NCAM1: variants seen among roughly 807,000 people sequenced by gnomAD.
NCAM1 encodes antigen recognized by monoclonal antibody 5.1H11.
NCAM1 carries 14 observed loss-of-function variants against 109.8 expected under a neutral mutation model. The ratio of observed to expected loss-of-function variants is 0.13; its 90% CI spans 0.08 to 0.20. NCAM1 has a LOEUF of 0.20. Ranked by LOEUF, NCAM1 falls within the 10% of genes least tolerant of loss-of-function variation. The probability of loss-of-function intolerance (pLI) is 1.00; values close to 1 mark genes in which losing one functional copy is unlikely to be tolerated. For missense variants in NCAM1, 774 were observed against 1,109.9 expected, an observed-to-expected ratio of 0.70 and a Z score of 4.30; for synonymous variants, 418 against 442.9, an observed-to-expected ratio of 0.94 and a Z score of 0.70.
intron 1 of NCAM1, among the ~76,000 whole-genome samples, chr11:113,060,305 G>T (rs575887888): frequency 6.6e-6 from 1 of 152,138 alleles, no homozygotes; most frequent in Non-Finnish European, 1.5e-5. Flanking sequence ...TTTTGGCAGT[G>T]ATTTTTTGCC....
intron 8 of NCAM1, among the ~76,000 whole-genome samples, chr11:113,218,147 A>G (rs1248735428): frequency 6.6e-6 from 1 of 152,238 alleles, no homozygotes; most frequent in Non-Finnish European, 1.5e-5. Context: ...AGCCTTCCCA[A>G]TGCAGTCGTC....
Position 113,147,849 on chromosome 11 carries a change from C to T in NCAM1, c.53-54530C>T, listed in dbSNP as rs75328643. Among the ~76,000 whole-genome samples, 911 of 152,266 alleles carry T rather than the reference C, an allele frequency of 6.0e-3. 8 individuals are homozygous for T. Among genetic ancestry groups the T allele is most frequent in the African/African-American group, 0.02 (848 of 41,546 alleles). On this transcript the variant is annotated intron_variant, in intron 1 of 19. Transcript: ENST00000316851. ...CAGACAAGTCTTATCATCCACATTA[C>T]GCCATGAAAAATGCACGGTTCAGAG... is the stretch of plus-strand genomic sequence containing the variant.
intron 14 of NCAM1, chr11:113,243,539 T>C (rs782626704): frequency 1.2e-5 from 6 of 518,288 alleles, no homozygotes; most frequent in Non-Finnish European, 2.3e-5. Context: ...TGTATCCTCT[T>C]TTTTCATCGT....
chr11:113,057,741 T>C (rs771545542), intron 1 of NCAM1, among the ~76,000 whole-genome samples: 13 of 152,042 alleles, frequency 8.6e-5, no homozygotes, highest in Non-Finnish European at 1.8e-4. Context: ...ATCTTACAAA[T>C]TAAATAGAAA....
intron 1 of NCAM1, among the ~76,000 whole-genome samples, chr11:113,122,081 C>G (rs1940986133): frequency 6.6e-6 from 1 of 152,152 alleles, no homozygotes; most frequent in Non-Finnish European, 1.5e-5. Context: ...TTCCAAGTGC[C>G]CTTACACATC....
At chr11:113,071,304 T>G (rs1938249299) in intron 1 of NCAM1, among the ~76,000 whole-genome samples, 1 of 152,150 alleles carries the variant, frequency 6.6e-6, no homozygotes, top group Non-Finnish European at 1.5e-5. Flanking sequence ...ACATAGCAAA[T>G]TATTGCTTAA....
chr11:113,135,689 G>C (rs532372859), intron 1 of NCAM1, among the ~76,000 whole-genome samples: 1 of 152,150 alleles, frequency 6.6e-6, no homozygotes, highest in Non-Finnish European at 1.5e-5. Context: ...AGGACGTGCT[G>C]GACTATGCAA....
chr11:113,053,349 A>C (rs1042966944), intron 1 of NCAM1, among the ~76,000 whole-genome samples: 3 of 152,128 alleles, frequency 2.0e-5, no homozygotes, highest in South Asian at 2.1e-4. Flanking sequence ...TGCTATTGTG[A>C]ATAGTGCTGC....
rs561221237 is a variant in NCAM1 at position 113,207,189 on chromosome 11, G to T, written c.629-72G>T. ...GGCTGAGAACTCCTGACCTGGAGTG[G>T]TGTCTCTTCTCCAGGCCATTGGGTT... On this transcript the variant is annotated intron_variant, in intron 5 of 19. Coordinates refer to ENST00000316851, the MANE Select transcript of NCAM1 (RefSeq NM_181351.5). 135 of 1,194,140 alleles carry T rather than the reference G, an allele frequency of 1.1e-4. 1 individual carries two copies. The highest frequency in any genetic ancestry group is 1.9e-4 in the Middle Eastern group (1 of 5,222). The allele number at this position is 1,194,140 out of a possible 1,614,324, so 74.0% of individuals were successfully genotyped here.
At chr11:113,204,657 C>T (rs1944181624) in intron 3 of NCAM1, among the ~76,000 whole-genome samples, 153 bp downstream of exon 3, 1 of 152,154 alleles carries the variant, frequency 6.6e-6, no homozygotes, top group African/African-American at 2.4e-5. Flanking sequence ...CTTGGCCAAC[C>T]CAGAACTCAC....
At chr11:113,032,928 G>A (rs1474741458) in intron 1 of NCAM1, among the ~76,000 whole-genome samples, 1 of 152,196 alleles carries the variant, frequency 6.6e-6, no homozygotes, top group Non-Finnish European at 1.5e-5. Flanking sequence ...ATGCAGAGAT[G>A]TATTTTTCCC....
chr11:113,146,440 T>C (rs564894724), intron 1 of NCAM1, among the ~76,000 whole-genome samples: 26 of 152,322 alleles, frequency 1.7e-4, no homozygotes, highest in Non-Finnish European at 2.5e-4. Context: ...ACCTAGACAC[T>C]CTTCCAAATT....
At chr11:113,256,498 C>T (rs549910087) in intron 16 of NCAM1, among the ~76,000 whole-genome samples, 123 of 152,252 alleles carry the variant, frequency 8.1e-4, no homozygotes, top group Admixed American at 4.4e-3. Flanking sequence ...ACTGCTGGAT[C>T]TCACGCAGCT....
intron 1 of NCAM1, among the ~76,000 whole-genome samples, chr11:113,089,066 A>T (rs937783689): frequency 6.6e-6 from 1 of 152,146 alleles, no homozygotes; most frequent in Admixed American, 6.5e-5. Flanking sequence ...TGTAATCCCA[A>T]CACTTTAGGA....
chr11:113,125,470 G>A (rs1362068292), intron 1 of NCAM1, among the ~76,000 whole-genome samples: 1 of 152,176 alleles, frequency 6.6e-6, no homozygotes, highest in Non-Finnish European at 1.5e-5. Flanking sequence ...AACATTTATC[G>A]CCCTTACGTT....
Position 113,220,602 on chromosome 11 carries a change from CTTTT to C in NCAM1, c.1060-674_1060-671del, listed in dbSNP as rs1175342641. ...AGACCTATTCTCTCTCTCTCTCTCT[CTTTT>C]TTTTTTTTTTTTTTTTTTTGAGACA... On this transcript the variant is annotated intron_variant, in intron 8 of 19. Coordinates refer to ENST00000316851, the MANE Select transcript of NCAM1 (RefSeq NM_181351.5). Among the ~76,000 whole-genome samples, 29 of 75,590 alleles carry C rather than the reference CTTTT, an allele frequency of 3.8e-4. 1 individual carries two copies. Among genetic ancestry groups the C allele is most frequent in the African/African-American group, 1.5e-3 (25 of 16,428 alleles). 49.6% of individuals were successfully genotyped at this position (75,590 alleles called of 152,430 possible). A position where few individuals can be genotyped will look rare whatever the true frequency, so the allele number is the denominator to read the frequency against.
intron 4 of NCAM1, 95 bp from the exon 5 acceptor site, chr11:113,205,948 A>G: frequency 1.3e-6 from 2 of 1,486,538 alleles, no homozygotes; most frequent in Admixed American, 3.4e-5. Flanking sequence ...CCACCCTATG[A>G]TACTGAAGTT....
intron 1 of NCAM1, among the ~76,000 whole-genome samples, chr11:113,017,399 T>C (rs1952236538): frequency 6.6e-6 from 1 of 152,222 alleles, no homozygotes; most frequent in Non-Finnish European, 1.5e-5. Context: ...AAGATTCTCC[T>C]TCTCTTCAAC....
intron 1 of NCAM1, among the ~76,000 whole-genome samples, chr11:113,016,302 T>A (rs1375014562): frequency 6.6e-6 from 1 of 152,126 alleles, no homozygotes. Context: ...AAATTAAGTT[T>A]TAGGGAGGCC....
Sources: allele counts gnomAD v4.1 joint callset (sites outside exome capture counted in the v4.1 genomes callset), GRCh38; gene constraint gnomAD v4.1.1; transcripts MANE v1.5; gene names NCBI Gene and HGNC (gene_info 2026-07-23, HGNC 2026-07-21).